The following CFAP61 variants were observed in gnomAD, a reference collection of about 807,000 sequenced individuals.
The protein encoded by CFAP61 is cilia and flagella associated protein 61, also known as cilia- and flagella-associated protein 61.
Under a neutral mutation model 135.6 loss-of-function variants are expected in CFAP61, and 107 were observed. The ratio of observed to expected loss-of-function variants is 0.79; its 90% CI spans 0.67 to 0.93. The LOEUF is 0.93. Among genes scored for constraint, CFAP61 ranks in the 40% least tolerant of loss-of-function variants. The probability of loss-of-function intolerance (pLI) is 0.00; values close to 1 mark genes in which losing one functional copy is unlikely to be tolerated. For synonymous variants in CFAP61, 575 were observed against 578.5 expected, an observed-to-expected ratio of 0.99 and a Z score of 0.09; for missense variants, 1,507 against 1,556.2, an observed-to-expected ratio of 0.97 and a Z score of 0.53.
In CFAP61 at chr20:20,164,175, C is replaced by A. The variant is rs6075629; in HGVS notation, c.1152C>A (p.Ala384=). ...PVHFRPIYRG[A]SAAFCIQLFC... Reference sequence around the variant, plus strand: ...ACTTCCGCCCCATCTACAGGGGAGCCTCAGCTGCTTTTTGTATTCAGCTGT... The same window carrying A: ...ACTTCCGCCCCATCTACAGGGGAGCATCAGCTGCTTTTTGTATTCAGCTGT... The change falls in exon 11 of 27, where the codon GCC becomes GCA. Residue 384 remains alanine (A), a synonymous_variant. Coordinates refer to ENST00000245957, the MANE Select transcript of CFAP61 (RefSeq NM_015585.4). The A allele has an allele frequency of 6.2e-7, 1 of 1,613,968 alleles. No homozygotes were observed. Among genetic ancestry groups the A allele is most frequent in the Non-Finnish European group, 8.5e-7 (1 of 1,179,984 alleles).
intron 26 of CFAP61, among the ~76,000 whole-genome samples, chr20:20,343,681 C>T (rs1352325245): frequency 1.3e-5 from 2 of 152,186 alleles, no homozygotes; most frequent in Non-Finnish European, 2.9e-5. Flanking sequence ...ACTGCCCCTA[C>T]AGTAAAGGGC....
intron 25 of CFAP61, among the ~76,000 whole-genome samples, chr20:20,315,761 G>A (rs1451489768): frequency 6.6e-6 from 1 of 152,128 alleles, no homozygotes; most frequent in Non-Finnish European, 1.5e-5. Context: ...CATATGGCTA[G>A]CCAGTTTTCC....
chr20:20,133,232 G>T (rs1042522931), intron 8 of CFAP61, among the ~76,000 whole-genome samples: 1 of 152,224 alleles, frequency 6.6e-6, no homozygotes, highest in Admixed American at 6.5e-5. Flanking sequence ...CAAAACTACA[G>T]TGGCATACCA....
chr20:20,341,647 G>C (rs1416935041), intron 25 of CFAP61, among the ~76,000 whole-genome samples, 184 bp from the exon 26 acceptor site: 1 of 152,160 alleles, frequency 6.6e-6, no homozygotes, highest in East Asian at 1.9e-4. Flanking sequence ...TATGGGACCT[G>C]GCCTTACAGC....
At chr20:20,064,170 C>T (rs77802451) in intron 2 of CFAP61, among the ~76,000 whole-genome samples, 2,606 of 152,090 alleles carry the variant, frequency 0.017, 70 homozygotes, top group African/African-American at 0.059. Context: ...ACAAATGTAA[C>T]GGCTTTTCCA....
At chr20:20,094,061 A>G (rs898491979) in intron 7 of CFAP61, among the ~76,000 whole-genome samples, 11 of 152,332 alleles carry the variant, frequency 7.2e-5, no homozygotes, top group East Asian at 1.9e-4. Context: ...AGGGTAAAAC[A>G]TACCTGGTGA....
chr20:20,210,231 G>T (rs1366207451), intron 17 of CFAP61, among the ~76,000 whole-genome samples: 1 of 152,048 alleles, frequency 6.6e-6, no homozygotes, highest in Non-Finnish European at 1.5e-5. Context: ...CACTTTCCTG[G>T]CCTTAGCCAG....
intron 18 of CFAP61, among the ~76,000 whole-genome samples, chr20:20,228,803 C>A (rs4814967): frequency 1.3e-5 from 2 of 152,178 alleles, no homozygotes; most frequent in East Asian, 3.9e-4. Context: ...CTTACTGGCC[C>A]GATCACAAAA....
At chr20:20,235,600 C>G (rs532321167) in intron 18 of CFAP61, among the ~76,000 whole-genome samples, 1 of 152,336 alleles carries the variant, frequency 6.6e-6, no homozygotes, top group South Asian at 2.1e-4. Flanking sequence ...GCTGTGCACC[C>G]TTTCCCACTT....
chr20:20,214,696 G>C (rs907075249), intron 17 of CFAP61, among the ~76,000 whole-genome samples: 2 of 152,202 alleles, frequency 1.3e-5, no homozygotes, highest in Admixed American at 1.3e-4. Context: ...CCCCTGGACC[G>C]CTGTAAACAG....
intron 8 of CFAP61, among the ~76,000 whole-genome samples, chr20:20,120,947 C>G (rs2049566337): frequency 6.6e-6 from 1 of 152,010 alleles, no homozygotes; most frequent in Non-Finnish European, 1.5e-5. Flanking sequence ...ATAGCTACTA[C>G]TGCTCTTTTT....
intron 18 of CFAP61, among the ~76,000 whole-genome samples, chr20:20,243,072 A>G (rs2050134706): frequency 6.6e-6 from 1 of 152,242 alleles, no homozygotes; most frequent in Non-Finnish European, 1.5e-5. Context: ...TAATGGACTT[A>G]CAGTTCCACA....
At chr20:20,063,224 C>G (rs2044948145) in intron 2 of CFAP61, among the ~76,000 whole-genome samples, 1 of 152,160 alleles carries the variant, frequency 6.6e-6, no homozygotes, top group South Asian at 2.1e-4. Flanking sequence ...TACTTTTTAG[C>G]TCACTTTATG....
chr20:20,123,266 T>G (rs1380371537), intron 8 of CFAP61, among the ~76,000 whole-genome samples: 1 of 151,850 alleles, frequency 6.6e-6, no homozygotes, highest in African/African-American at 2.4e-5. Flanking sequence ...CAAAAGCTCT[T>G]TAGTTTAATT....
chr20:20,215,977 G>A (rs562801894), intron 17 of CFAP61, among the ~76,000 whole-genome samples: 30 of 152,224 alleles, frequency 2.0e-4, no homozygotes, highest in African/African-American at 7.0e-4. Context: ...ATGCTATTGT[G>A]CCTGTTTGAT....
chr20:20,169,649 G>T (rs994912006), intron 13 of CFAP61, among the ~76,000 whole-genome samples, 189 bp downstream of exon 13: 2 of 152,190 alleles, frequency 1.3e-5, no homozygotes, highest in Non-Finnish European at 2.9e-5. Context: ...GATTTGTCCT[G>T]TCAGATATTA....
intron 13 of CFAP61, among the ~76,000 whole-genome samples, chr20:20,169,958 A>C (rs565787311): frequency 6.6e-6 from 1 of 152,366 alleles, no homozygotes; most frequent in East Asian, 1.9e-4. Flanking sequence ...AAACATAAAA[A>C]TTAGAAAATA....
At chr20:20,290,443 A>G in intron 24 of CFAP61, 52 bp downstream of exon 24, 1 of 1,243,398 alleles carries the variant, frequency 8.0e-7, no homozygotes, top group Non-Finnish European at 1.2e-6. Context: ...AACTTTGTTT[A>G]TAAGAGGATG....
intron 9 of CFAP61, among the ~76,000 whole-genome samples, chr20:20,154,937 A>G (rs1348838458): frequency 1.3e-5 from 2 of 152,154 alleles, no homozygotes; most frequent in Non-Finnish European, 2.9e-5. Flanking sequence ...AAAAATTCAT[A>G]TGGAGCCATA....
Sources: allele counts gnomAD v4.1 joint callset (sites outside exome capture counted in the v4.1 genomes callset), GRCh38; gene constraint gnomAD v4.1.1; transcripts MANE v1.5; gene names NCBI Gene and HGNC (gene_info 2026-07-23, HGNC 2026-07-21).